Variants in ST6GALNAC3 observed in about 807,000 individuals in gnomAD.
ST6GALNAC3 encodes ST6 N-acetylgalactosaminide alpha-2,6-sialyltransferase 3, also known as alpha-N-acetylgalactosaminide alpha-2,6-sialyltransferase 3.
A neutral mutation model predicts 32.7 loss-of-function variants in ST6GALNAC3; 25 were observed. The observed-to-expected ratio is 0.76, with a 90% CI of 0.56 to 1.07. The LOEUF (loss-of-function observed/expected upper bound fraction) is 1.07, where lower values mean the gene tolerates loss of function less well. Ranked by LOEUF, ST6GALNAC3 falls within the 50% of genes least tolerant of loss-of-function variation. The pLI is 0.00. For synonymous variants in ST6GALNAC3, 129 were observed against 133.1 expected, an observed-to-expected ratio of 0.97 and a Z score of 0.21; for missense variants, 355 against 382.4, an observed-to-expected ratio of 0.93 and a Z score of 0.60.
intron 2 of ST6GALNAC3, among the ~76,000 whole-genome samples, chr1:76,336,838 A>T (rs1203949205): frequency 6.6e-6 from 1 of 152,200 alleles, no homozygotes; most frequent in East Asian, 1.9e-4. Flanking sequence ...TTCGGGAATC[A>T]CATCTGAATC....
rs1467974001 is a variant in ST6GALNAC3 at position 76,634,155 on chromosome 1, A to G, written c.*5349A>G. 1 of 985,120 alleles carries G rather than the reference A, an allele frequency of 1.0e-6. No homozygotes were observed. Among genetic ancestry groups the G allele is most frequent in the Non-Finnish European group, 1.2e-6 (1 of 829,784 alleles). The allele number at this position is 985,120 out of a possible 1,614,324, so 61.0% of individuals were successfully genotyped here. A position where few individuals can be genotyped will look rare whatever the true frequency, so the allele number is the denominator to read the frequency against. On this transcript the variant is annotated 3_prime_UTR_variant, in exon 5 of 5. Transcript: ENST00000328299. ...ACATCTCTTTTTGTTCACGCCTTGA[A>G]GACTTCAGAAAAATAGAAGCTCACT...
At chr1:76,293,298 T>G (rs1660201644) in intron 1 of ST6GALNAC3, among the ~76,000 whole-genome samples, 1 of 152,190 alleles carries the variant, frequency 6.6e-6, no homozygotes, top group South Asian at 2.1e-4. Context: ...GCAGATTTGA[T>G]CAACAGTACT....
intron 1 of ST6GALNAC3, among the ~76,000 whole-genome samples, chr1:76,288,785 G>A (rs908475277): frequency 2.0e-5 from 3 of 152,166 alleles, no homozygotes; most frequent in Non-Finnish European, 2.9e-5. Flanking sequence ...GTAAAACACA[G>A]GTGATGGTCA....
In ST6GALNAC3 at chr1:76,426,463, T is replaced by A. The variant is rs577783554; in HGVS notation, c.623+14046T>A. ...TGGAAGATCTTCAGAGACAACAACA[T>A]GCATGGAGCTGTCATCTCCTATGAT... On this transcript the variant is annotated intron_variant, in intron 3 of 4. Coordinates refer to ENST00000328299, the MANE Select transcript of ST6GALNAC3 (RefSeq NM_152996.4). Among the ~76,000 whole-genome samples, 45 of 151,772 alleles carry A rather than the reference T, an allele frequency of 3.0e-4. No individual in the cohort carries two copies. In the South Asian group the frequency reaches 9.2e-3, roughly 31 times the overall value.
At chr1:76,426,583 GGA>G (rs1655407702) in intron 3 of ST6GALNAC3, among the ~76,000 whole-genome samples, 1 of 149,736 alleles carries the variant, frequency 6.7e-6, no homozygotes, top group South Asian at 2.2e-4. Flanking sequence ...ATATATATAG[GGA>G]GAGAGAGAAA....
chr1:76,513,505 T>A (rs1661997022), intron 3 of ST6GALNAC3, among the ~76,000 whole-genome samples: 1 of 152,154 alleles, frequency 6.6e-6, no homozygotes, highest in Non-Finnish European at 1.5e-5. Flanking sequence ...GCTTATATGT[T>A]AGTACCATAA....
intron 1 of ST6GALNAC3, among the ~76,000 whole-genome samples, chr1:76,178,341 T>A (rs2100450142): frequency 6.6e-6 from 1 of 152,336 alleles, no homozygotes; most frequent in Non-Finnish European, 1.5e-5. Flanking sequence ...AGGAAAGTAT[T>A]CTGCCATTGA....
At chr1:76,514,367 T>C (rs1336928232) in intron 3 of ST6GALNAC3, among the ~76,000 whole-genome samples, 1 of 152,160 alleles carries the variant, frequency 6.6e-6, no homozygotes, top group African/African-American at 2.4e-5. Flanking sequence ...TGTGGTTGTA[T>C]GGTTTGGATA....
rs77585037 is a variant in ST6GALNAC3 at position 76,077,565 on chromosome 1, A to G, written c.18+2681A>G. ...TGTGGAAATGTGACAAGACAAAGGAAAAAGGGGGTTTGGGCTGGGGCAGTC... is the reference window on the plus strand; with the variant it reads ...TGTGGAAATGTGACAAGACAAAGGAGAAAGGGGGTTTGGGCTGGGGCAGTC... On this transcript the variant is annotated intron_variant, in intron 1 of 4. Coordinates refer to ENST00000328299, the MANE Select transcript of ST6GALNAC3 (RefSeq NM_152996.4). 1.2e-4 allele frequency among the ~76,000 whole-genome samples: 18 copies of G among 152,308 alleles called. 1 individual carries two copies. In the East Asian group the frequency reaches 3.5e-3, roughly 29 times the overall value.
intron 1 of ST6GALNAC3, among the ~76,000 whole-genome samples, chr1:76,287,403 T>TC (rs1659843738): frequency 6.6e-6 from 1 of 150,668 alleles, no homozygotes; most frequent in East Asian, 1.9e-4. Flanking sequence ...TTTTTTTTTT[T>TC]TGCATTTGAT....
intron 2 of ST6GALNAC3, among the ~76,000 whole-genome samples, chr1:76,345,723 AT>A (rs1429328196): frequency 6.6e-6 from 1 of 152,044 alleles, no homozygotes; most frequent in Admixed American, 6.6e-5. Flanking sequence ...GAGTAAAAGG[AT>A]GGGGATCTGC....
chr1:76,630,006 C>T lies in ST6GALNAC3; in HGVS notation c.*1200C>T. On this transcript the variant is annotated 3_prime_UTR_variant, in exon 5 of 5. Coordinates refer to ENST00000328299, the MANE Select transcript of ST6GALNAC3 (RefSeq NM_152996.4). Reference sequence around the variant, plus strand: ...ACAACAATAATAATGTTCTTAATGTCCAAAGTGCTTTGTCATTTAGAGTCC... The same window carrying T: ...ACAACAATAATAATGTTCTTAATGTTCAAAGTGCTTTGTCATTTAGAGTCC... The T allele has an allele frequency of 1.0e-6, 1 of 985,136 alleles. No homozygotes were observed. The highest frequency in any genetic ancestry group is 1.2e-6 in the Non-Finnish European group (1 of 829,798). The allele number at this position is 985,136 out of a possible 1,614,324, so 61.0% of individuals were successfully genotyped here.
chr1:76,555,456 A>T (rs1354776658), intron 3 of ST6GALNAC3, among the ~76,000 whole-genome samples: 17 of 152,140 alleles, frequency 1.1e-4, no homozygotes, highest in Admixed American at 1.1e-3. Flanking sequence ...TGGTGATTCC[A>T]ATGAGTGCAT....
At chr1:76,112,493 A>T (rs1275100103) in intron 1 of ST6GALNAC3, among the ~76,000 whole-genome samples, 3 of 144,368 alleles carry the variant, frequency 2.1e-5, no homozygotes, top group Non-Finnish European at 3.0e-5. Context: ...TCCCTTCCAG[A>T]TGGGGCGGCT....
intron 2 of ST6GALNAC3, among the ~76,000 whole-genome samples, chr1:76,318,951 T>C (rs2392030): frequency 0.54 from 81,732 of 151,874 alleles, 22,219 homozygotes; most frequent in South Asian, 0.65. Flanking sequence ...GTTCTATTTG[T>C]AGTTGCCTAT....
intron 1 of ST6GALNAC3, among the ~76,000 whole-genome samples, chr1:76,136,868 T>C (rs1649978568): frequency 6.6e-6 from 1 of 152,218 alleles, no homozygotes; most frequent in Non-Finnish European, 1.5e-5. Context: ...GCCTCAGAAA[T>C]GGCAGTTCTC....
At chr1:76,588,485 T>G (rs1158825738) in intron 3 of ST6GALNAC3, among the ~76,000 whole-genome samples, 3 of 152,212 alleles carry the variant, frequency 2.0e-5, no homozygotes, top group Non-Finnish European at 2.9e-5. Context: ...ACAAAAGTAA[T>G]GCACTTGATA....
intron 1 of ST6GALNAC3, among the ~76,000 whole-genome samples, chr1:76,134,948 G>T (rs556521458): frequency 1.3e-4 from 20 of 152,262 alleles, no homozygotes; most frequent in Non-Finnish European, 2.8e-4. Context: ...TTCGAGACCA[G>T]CCTGGCCAAC....
intron 1 of ST6GALNAC3, among the ~76,000 whole-genome samples, chr1:76,162,511 C>A (rs1429378063): frequency 6.6e-6 from 1 of 152,148 alleles, no homozygotes; most frequent in East Asian, 1.9e-4. Context: ...CTATTTTAAG[C>A]CCCAGTTTCT....
Sources: allele counts gnomAD v4.1 joint callset (sites outside exome capture counted in the v4.1 genomes callset), GRCh38; gene constraint gnomAD v4.1.1; transcripts MANE v1.5; gene names NCBI Gene and HGNC (gene_info 2026-07-23, HGNC 2026-07-21).